Variants in MRPS6 observed in about 807,000 individuals in gnomAD.
MRPS6 encodes small ribosomal subunit protein bS6m.
MRPS6 carries 6 observed loss-of-function variants against 13.1 expected under a neutral mutation model. The observed-to-expected ratio is 0.46, with a 90% CI of 0.25 to 0.91. The LOEUF is 0.91. MRPS6 is among the 40% of genes least tolerant of loss of function. MRPS6 has a pLI of 0.18. For synonymous variants in MRPS6, 61 were observed against 56.5 expected, an observed-to-expected ratio of 1.08 and a Z score of -0.36; for missense variants, 164 against 155.6, an observed-to-expected ratio of 1.05 and a Z score of -0.29.
intron 2 of MRPS6, among the ~76,000 whole-genome samples, chr21:34,140,042 A>G (rs981888034): frequency 6.6e-6 from 1 of 152,112 alleles, no homozygotes; most frequent in Admixed American, 6.5e-5. Context: ...GTCTGGCTAT[A>G]GAGGCATATC....
intron 1 of MRPS6, chr21:34,098,479 A>G (rs1979075270): frequency 2.0e-6 from 2 of 1,000,214 alleles, no homozygotes; most frequent in Non-Finnish European, 2.4e-6. Context: ...TTTTTCCTCA[A>G]AAGACTTTCC....
chr21:34,074,682 T>C (rs1274249849), intron 1 of MRPS6, among the ~76,000 whole-genome samples: 1 of 152,200 alleles, frequency 6.6e-6, no homozygotes, highest in African/African-American at 2.4e-5. Flanking sequence ...TGTTTTTTTT[T>C]CTCCACCAGG....
chr21:34,098,596 G>A lies in MRPS6; in HGVS notation c.45+24851G>A, dbSNP rs1389538090. ...AAAACTCAGTGCATACTTTGCTGTT[G>A]TTAGGTTGTCAATATAGTCTTTCTG... On this transcript the variant is annotated intron_variant, in intron 1 of 2. Coordinates refer to ENST00000399312, the MANE Select transcript of MRPS6 (RefSeq NM_032476.4). 3.0e-6 allele frequency: 3 copies of A among 1,000,130 alleles called. No homozygotes were observed. In the African/African-American group the frequency reaches 5.2e-5, roughly 17 times the overall value. 62.0% of individuals were successfully genotyped at this position (1,000,130 alleles called of 1,614,324 possible).
chr21:34,131,252 G>T (rs886465405), intron 2 of MRPS6, among the ~76,000 whole-genome samples: 1 of 152,196 alleles, frequency 6.6e-6, no homozygotes, highest in Non-Finnish European at 1.5e-5. Context: ...GGAGTTGATC[G>T]TGAGTCCACG....
rs546314703 is a variant in MRPS6, at chr21:34,137,199, G to A, written c.186-5209G>A. On this transcript the variant is annotated intron_variant, in intron 2 of 2. Coordinates refer to ENST00000399312, the MANE Select transcript of MRPS6 (RefSeq NM_032476.4). ...TCAATATTCTAGGGTTTTGATTGAG[G>A]TTCTACTGAATGTCAATAGATTTTA... 3.9e-5 allele frequency among the ~76,000 whole-genome samples: 6 copies of A among 152,226 alleles called. No individual in the cohort carries two copies. The South Asian group carries it at 1.2e-3, about 32-fold the overall frequency.
rs539533921 is a variant in MRPS6 at position 34,142,654 on chromosome 21, T to G, written c.*54T>G. The G allele has an allele frequency of 1.3e-6, 2 of 1,490,000 alleles. No individual in the cohort carries two copies. Among genetic ancestry groups the G allele is most frequent in the Non-Finnish European group, 1.8e-6 (2 of 1,124,996 alleles). 92.3% of individuals were successfully genotyped at this position (1,490,000 alleles called of 1,614,324 possible). Reference sequence around the variant, plus strand: ...GTAATTCCTTCACATTTGGGCAGCATGGACGAGAAGGAAGAATTTGCAAGT... The same window carrying G: ...GTAATTCCTTCACATTTGGGCAGCAGGGACGAGAAGGAAGAATTTGCAAGT... On this transcript the variant is annotated 3_prime_UTR_variant, in exon 3 of 3. Coordinates refer to ENST00000399312, the MANE Select transcript of MRPS6 (RefSeq NM_032476.4).
At chr21:34,125,509 C>A (rs9980168) in intron 2 of MRPS6, 29 bp downstream of exon 2, 1 of 1,610,540 alleles carries the variant, frequency 6.2e-7, no homozygotes, top group African/African-American at 1.3e-5. Context: ...TCTTGAAAGA[C>A]GTTTTTGATA....
intron 1 of MRPS6, chr21:34,124,395 G>A (rs1371437737): frequency 6.6e-6 from 1 of 151,760 alleles, no homozygotes; most frequent in East Asian, 1.9e-4. Flanking sequence ...AAAATTGCTT[G>A]TGTATACATA....
chr21:34,142,723 T>TAG lies in MRPS6; in HGVS notation c.*123_*124insAG, dbSNP rs1980947521. The TAG allele has an allele frequency of 8.2e-7, 1 of 1,213,894 alleles. No homozygotes were observed. The highest frequency in any genetic ancestry group is 1.6e-5 in the African/African-American group (1 of 64,510). The allele number at this position is 1,213,894 out of a possible 1,614,324, so 75.2% of individuals were successfully genotyped here. A position where few individuals can be genotyped will look rare whatever the true frequency, so the allele number is the denominator to read the frequency against. The stretch of plus-strand genomic sequence containing the variant: ...TGTGTTGCAGGTGCTGTTTGATTTT[T>TAG]CTAAGGTATTTTTAGCCCTTGATCC... On this transcript the variant is annotated 3_prime_UTR_variant, in exon 3 of 3. Coordinates refer to ENST00000399312, the MANE Select transcript of MRPS6 (RefSeq NM_032476.4).
chr21:34,097,429 G>T (rs1602931528), intron 1 of MRPS6: 1 of 1,298,136 alleles, frequency 7.7e-7, no homozygotes, highest in Non-Finnish European at 1.0e-6. Context: ...ATGTAACTGT[G>T]CATCTCTCAG....
At chr21:34,082,564 T>TAA (rs1458378796) in intron 1 of MRPS6, among the ~76,000 whole-genome samples, 1 of 152,202 alleles carries the variant, frequency 6.6e-6, no homozygotes, top group African/African-American at 2.4e-5. Context: ...TCTGTGGAAT[T>TAA]AAAAATAGTT....
At position 34,102,248 on chromosome 21, in the gene MRPS6, C is replaced by A. The variant is rs187620597; in HGVS notation, c.46-23093C>A. The A allele has an allele frequency of 8.0e-6, 8 of 999,522 alleles. No individual in the cohort carries two copies. In the Admixed American group the frequency reaches 4.9e-4, roughly 61 times the overall value. 61.9% of individuals were successfully genotyped at this position (999,522 alleles called of 1,614,324 possible). On this transcript the variant is annotated intron_variant, in intron 1 of 2. Transcript: ENST00000399312. ...TAACTGGCTTTGCCAGTGGTGAGTC[C>A]CACACCATTATTCACTTAGTAGTCA...
At position 34,134,763 on chromosome 21, in the gene MRPS6, C is replaced by G. The variant is rs202016500; in HGVS notation, c.186-7645C>G. Among the ~76,000 whole-genome samples, 95 of 152,174 alleles carry G rather than the reference C, an allele frequency of 6.2e-4. 1 individual carries two copies. In the East Asian group the frequency reaches 0.016, roughly 25 times the overall value. On this transcript the variant is annotated intron_variant, in intron 2 of 2. Transcript: ENST00000399312. ...TTGCAGATGCAGTAGAAGCCGTACT[C>G]AAATACCCAAACAACCAGTCTGTTT... is the stretch of plus-strand genomic sequence containing the variant.
intron 1 of MRPS6, chr21:34,103,071 A>G (rs906216662): frequency 2.0e-6 from 2 of 1,000,038 alleles, no homozygotes; most frequent in African/African-American, 3.5e-5. Context: ...GTTCATTAGT[A>G]ACTCATCTTT....
At chr21:34,104,118 T>TA in intron 1 of MRPS6, 1 of 999,856 alleles carries the variant, frequency 1.0e-6, no homozygotes, top group Non-Finnish European at 1.2e-6. Flanking sequence ...GAGATGAAGT[T>TA]ACCTTTATTT....
chr21:34,130,096 A>G (rs1376668779), intron 2 of MRPS6, among the ~76,000 whole-genome samples: 4 of 152,198 alleles, frequency 2.6e-5, no homozygotes, highest in African/African-American at 9.7e-5. Flanking sequence ...TCAGGGCTGC[A>G]AAGCCCTCCC....
At chr21:34,105,241 C>G (rs1404183723) in intron 1 of MRPS6, 1 of 1,000,122 alleles carries the variant, frequency 1.0e-6, no homozygotes. Flanking sequence ...TTGGACATCC[C>G]ATTTTCTTTT....
chr21:34,099,003 T>A (rs1489075504), intron 1 of MRPS6: 1 of 991,164 alleles, frequency 1.0e-6, no homozygotes, highest in Non-Finnish European at 1.2e-6. Flanking sequence ...TCTTTTTAAT[T>A]TTTTTGTAGT....
chr21:34,126,844 G>A (rs771351991), intron 2 of MRPS6, among the ~76,000 whole-genome samples: 63 of 152,174 alleles, frequency 4.1e-4, no homozygotes, highest in Non-Finnish European at 7.3e-4. Context: ...AGCATCCTAG[G>A]ATCTGCACTA....
Sources: gnomAD v4.1 joint callset for allele counts (sites outside exome capture counted in the v4.1 genomes callset) on GRCh38, gnomAD v4.1.1 for gene constraint, MANE v1.5 for transcripts, NCBI Gene and HGNC (gene_info 2026-07-23, HGNC 2026-07-21) for gene names.